Variants in PDE4C observed in about 807,000 individuals in gnomAD.
PDE4C encodes 3',5'-cyclic-AMP phosphodiesterase 4C.
PDE4C carries 50 observed loss-of-function variants against 63.9 expected under a neutral mutation model. The ratio of observed to expected loss-of-function variants is 0.78; its 90% CI spans 0.62 to 0.99. The LOEUF (loss-of-function observed/expected upper bound fraction) is 0.99, where lower values mean the gene tolerates loss of function less well. Among genes scored for constraint, PDE4C ranks in the 50% least tolerant of loss-of-function variants. The pLI is 0.00. For synonymous variants in PDE4C, 377 were observed against 385.1 expected, an observed-to-expected ratio of 0.98 and a Z score of 0.25; for missense variants, 777 against 899.1, an observed-to-expected ratio of 0.86 and a Z score of 1.74.
intron 12 of PDE4C, among the ~76,000 whole-genome samples, chr19:18,214,968 A>G (rs1375331075): frequency 2.1e-5 from 3 of 141,836 alleles, no homozygotes; most frequent in Non-Finnish European, 3.1e-5. Context: ...AAAAAAAAAA[A>G]CTTAACCCAC....
intron 12 of PDE4C, among the ~76,000 whole-genome samples, chr19:18,216,285 G>A (rs1568664243): frequency 6.7e-6 from 1 of 148,730 alleles, no homozygotes; most frequent in Non-Finnish European, 1.5e-5. Flanking sequence ...TTGAGATGGA[G>A]TCTCACTCTG....
chr19:18,219,822 CAA>C (rs756859802), intron 7 of PDE4C, among the ~76,000 whole-genome samples: 17 of 139,598 alleles, frequency 1.2e-4, no homozygotes, highest in South Asian at 2.3e-4. Flanking sequence ...AACTCTGTAT[CAA>C]AAAAAAAAAA....
chr19:18,253,521 A>C, the PDE4C span, among the ~76,000 whole-genome samples: 1 of 150,034 alleles, frequency 6.7e-6, no homozygotes, highest in Non-Finnish European at 1.5e-5. Flanking sequence ...ACTGAACTCC[A>C]GCCTAGGCAA....
intron 1 of PDE4C, 95 bp downstream of exon 1, chr19:18,226,175 G>C: frequency 5.9e-6 from 6 of 1,021,846 alleles, no homozygotes; most frequent in Admixed American, 2.2e-5. Flanking sequence ...TCCGGCCCCG[G>C]CCCCAGCTGT....
chr19:18,211,758 C>A lies in PDE4C; in HGVS notation c.1695+1G>T. The stretch of plus-strand genomic sequence containing the variant: ...CCGGTTCAGCCCAGTCCCCTGCCAA[C>A]CTGGGACTTCTCCACTGAGGCCGTA... On this transcript the variant is annotated splice_donor_variant, in intron 14 of 14. Coordinates refer to ENST00000262805, the Ensembl canonical transcript of PDE4C. LOFTEE classifies it high-confidence loss of function. 1 of 1,614,206 alleles carries A rather than the reference C, an allele frequency of 6.2e-7. No homozygotes were observed.
At chr19:18,222,079 CAAAG>C in intron 2 of PDE4C, 49 bp downstream of exon 2, 1 of 1,490,468 alleles carries the variant, frequency 6.7e-7, no homozygotes, top group Non-Finnish European at 9.2e-7. Flanking sequence ...AATAGAGGAA[CAAAG>C]GAAGGAGGGA....
At chr19:18,222,874 AT>A (rs1227585361) in intron 1 of PDE4C, among the ~76,000 whole-genome samples, 1 of 150,030 alleles carries the variant, frequency 6.7e-6, no homozygotes, top group East Asian at 2.0e-4. Context: ...TAATTTTAAA[AT>A]TTTTTGTAGA....
chr19:18,233,166 C>G (rs1365148263), exon 1 of PDE4C: 4 of 1,558,142 alleles, frequency 2.6e-6, no homozygotes, highest in Non-Finnish European at 3.5e-6. Flanking sequence ...AGCCTCTGCC[C>G]CTTCGCCGAC....
Position 18,216,900 on chromosome 19 carries a change from G to A in PDE4C, c.1235-5C>T, listed in dbSNP as rs1226895885. ...ACATAAGCGCCAGCTCTGAGTCTGT[G>A]AGGGTATGGGACTGAGAGCCCCAAG... On this transcript the variant is annotated splice_polypyrimidine_tract_variant and splice_region_variant and intron_variant, in intron 11 of 14. Coordinates refer to ENST00000262805, the Ensembl canonical transcript of PDE4C. 5 of 1,606,110 alleles carry A rather than the reference G, an allele frequency of 3.1e-6. No individual in the cohort carries two copies. The highest frequency in any genetic ancestry group is 1.7e-5 in the Admixed American group (1 of 59,008).
chr19:18,222,851 C>T (rs1261953736), intron 1 of PDE4C, among the ~76,000 whole-genome samples: 1 of 151,288 alleles, frequency 6.6e-6, no homozygotes, highest in Non-Finnish European at 1.5e-5. Context: ...AGGAGCATGC[C>T]CCAACACTCG....
Position 18,232,851 on chromosome 19 carries a change from A to G in PDE4C, c.242+99T>C. 3.9e-6 allele frequency: 5 copies of G among 1,293,684 alleles called. No homozygotes were observed. The South Asian group carries it at 8.2e-5, about 21-fold the overall frequency. 80.1% of individuals were successfully genotyped at this position (1,293,684 alleles called of 1,614,324 possible). ...CGCCAGCCTCAACCAAGCAGCAGAG[A>G]CCCCCGCCCCCTGGAGAAGCAAGGA... is the stretch of plus-strand genomic sequence containing the variant. On this transcript the variant is annotated intron_variant, in intron 1 of 14. Transcript: ENST00000594465.
intron 1 of PDE4C, chr19:18,224,427 AGGT>A (rs1346844044): frequency 1.0e-6 from 1 of 985,438 alleles, no homozygotes; most frequent in African/African-American, 1.7e-5. Flanking sequence ...ATCTGGGTAG[AGGT>A]GGGGGATTTG....
chr19:18,255,268 G>T, the PDE4C span: 1 of 399,258 alleles, frequency 2.5e-6, no homozygotes, highest in Non-Finnish European at 4.4e-6. This position sits in a 1 kb window ranked among gnomAD's most constrained non-coding sequence, Gnocchi z 4.6. Flanking sequence ...AGCACCACCA[G>T]CACCAAAAGC....
intron 1 of PDE4C, among the ~76,000 whole-genome samples, chr19:18,246,205 A>ATGG (rs1313756699): frequency 7.6e-6 from 1 of 131,274 alleles, no homozygotes; most frequent in Non-Finnish European, 1.6e-5. Flanking sequence ...TTTTTTTGAG[A>ATGG]TGGAGTCTCG....
chr19:18,247,644 G>A (rs74882008), intron 1 of PDE4C, among the ~76,000 whole-genome samples: 2 of 152,112 alleles, frequency 1.3e-5, no homozygotes, highest in African/African-American at 2.4e-5. Flanking sequence ...CCCCACCATG[G>A]CCTGGGCCAC....
At position 18,213,367 on chromosome 19, in the gene PDE4C, C is replaced by T; in HGVS notation, c.1512+1G>A. On this transcript the variant is annotated splice_donor_variant, in intron 13 of 14. Transcript: ENST00000262805. LOFTEE classifies it high-confidence loss of function. ...GCCCCAGTGCCCATCCAGCTACACA[C>T]CTGGATTCGGTCGGAATAGTTGTCC... is the stretch of plus-strand genomic sequence containing the variant. 6.2e-7 allele frequency: 1 copy of T among 1,612,770 alleles called. No homozygotes were observed. Among genetic ancestry groups the T allele is most frequent in the Non-Finnish European group, 8.5e-7 (1 of 1,179,148 alleles).
chr19:18,231,026 A>G (rs1280382348), upstream of PDE4C, among the ~76,000 whole-genome samples: 2 of 152,156 alleles, frequency 1.3e-5, no homozygotes, highest in Non-Finnish European at 2.9e-5. Flanking sequence ...CAAGCTGGGG[A>G]CCCAGTGTGT....
intron 1 of PDE4C, among the ~76,000 whole-genome samples, chr19:18,242,394 T>C (rs556040696): frequency 3.4e-5 from 5 of 146,742 alleles, no homozygotes; most frequent in African/African-American, 1.3e-4. Flanking sequence ...GATAATTGTT[T>C]ATGCCCGAGA....
At chr19:18,224,130 G>A in intron 1 of PDE4C, 1 of 892,300 alleles carries the variant, frequency 1.1e-6, no homozygotes, top group Non-Finnish European at 1.3e-6. Flanking sequence ...TACCTGTCCC[G>A]TTCTACCCTC....
Sources: allele counts gnomAD v4.1 joint callset (sites outside exome capture counted in the v4.1 genomes callset), GRCh38; gene constraint gnomAD v4.1.1; non-coding constraint Gnocchi (gnomAD v3.1); transcripts MANE v1.5; gene names NCBI Gene and HGNC (gene_info 2026-07-23, HGNC 2026-07-21).